ST6GALNAC3: variants seen among roughly 807,000 people sequenced by gnomAD.
ST6GALNAC3 encodes ST6 N-acetylgalactosaminide alpha-2,6-sialyltransferase 3.
A neutral mutation model predicts 32.7 loss-of-function variants in ST6GALNAC3; 25 were observed. The observed-to-expected ratio is 0.76, with a 90% CI of 0.56 to 1.07. The LOEUF is 1.07. Ranked by LOEUF, ST6GALNAC3 falls within the 50% of genes least tolerant of loss-of-function variation. The pLI, the probability that ST6GALNAC3 is intolerant of heterozygous loss-of-function variation, is 0.00. For synonymous variants in ST6GALNAC3, 129 were observed against 133.1 expected (o/e 0.97, Z 0.21); for missense variants, 355 against 382.4 (o/e 0.93, Z 0.60).
At chr1:76,329,128 C>G (rs773742348) in intron 2 of ST6GALNAC3, among the ~76,000 whole-genome samples, 8 of 152,158 alleles carry the variant, frequency 5.3e-5, no homozygotes, top group Non-Finnish European at 1.2e-4. Flanking sequence ...GTGCTTGTGT[C>G]AGAAATTTTT....
intron 3 of ST6GALNAC3, among the ~76,000 whole-genome samples, chr1:76,595,862 A>G (rs1647128445): frequency 6.6e-6 from 1 of 152,062 alleles, no homozygotes; most frequent in African/African-American, 2.4e-5. Flanking sequence ...CACTTGACTT[A>G]GGGCAATGGG....
chr1:76,453,110 G>C (rs1657526889), intron 3 of ST6GALNAC3, among the ~76,000 whole-genome samples: 1 of 152,006 alleles, frequency 6.6e-6, no homozygotes, highest in African/African-American at 2.4e-5. Flanking sequence ...ATATTTCTCT[G>C]TTGTCAGTTT....
chr1:76,593,865 A>G (rs574235850), intron 3 of ST6GALNAC3, among the ~76,000 whole-genome samples: 1 of 152,264 alleles, frequency 6.6e-6, no homozygotes, highest in Non-Finnish European at 1.5e-5. Context: ...TGATGTGGCG[A>G]TCATAGGAAC....
At chr1:76,454,487 A>G (rs1657630008) in intron 3 of ST6GALNAC3, among the ~76,000 whole-genome samples, 1 of 152,112 alleles carries the variant, frequency 6.6e-6, no homozygotes, top group African/African-American at 2.4e-5. Context: ...GGTAGTACAA[A>G]TTCTCTCAGC....
chr1:76,614,943 G>T (rs1161967289), intron 3 of ST6GALNAC3, among the ~76,000 whole-genome samples: 3 of 151,934 alleles, frequency 2.0e-5, no homozygotes, highest in Non-Finnish European at 4.4e-5. Context: ...GTCGTCTGGG[G>T]TATTGTGGCA....
intron 1 of ST6GALNAC3, among the ~76,000 whole-genome samples, chr1:76,308,996 CA>C (rs1646697553): frequency 6.6e-6 from 1 of 152,170 alleles, no homozygotes; most frequent in African/African-American, 2.4e-5. Flanking sequence ...AATGGCCTTT[CA>C]AACTGTTAAG....
chr1:76,213,641 A>C (rs182543337), intron 1 of ST6GALNAC3, among the ~76,000 whole-genome samples: 1 of 152,340 alleles, frequency 6.6e-6, no homozygotes, highest in Admixed American at 6.5e-5. Context: ...GTGCTAATTT[A>C]CAGGCCAGCA....
At chr1:76,367,211 T>G (rs557143767) in intron 2 of ST6GALNAC3, among the ~76,000 whole-genome samples, 1 of 152,330 alleles carries the variant, frequency 6.6e-6, no homozygotes, top group African/African-American at 2.4e-5. Context: ...TACCATAGTA[T>G]AAATTCAGTC....
chr1:76,391,438 T>A (rs1231946173), intron 2 of ST6GALNAC3, among the ~76,000 whole-genome samples: 1 of 152,090 alleles, frequency 6.6e-6, no homozygotes, highest in Non-Finnish European at 1.5e-5. Context: ...GCTGGAGAAG[T>A]CAGTGGAAGG....
chr1:76,149,194 C>A (rs1266506791), intron 1 of ST6GALNAC3, among the ~76,000 whole-genome samples: 2 of 152,094 alleles, frequency 1.3e-5, no homozygotes, highest in Non-Finnish European at 2.9e-5. Flanking sequence ...TCTTTTTGTG[C>A]CTGCTGCATA....
chr1:76,136,292 G>A (rs1193869573), intron 1 of ST6GALNAC3, among the ~76,000 whole-genome samples: 2 of 152,120 alleles, frequency 1.3e-5, no homozygotes, highest in Non-Finnish European at 2.9e-5. Flanking sequence ...CTACAAAATA[G>A]CTTTGTTGTC....
At chr1:76,244,625 C>T (rs1177992264) in intron 1 of ST6GALNAC3, among the ~76,000 whole-genome samples, 1 of 152,082 alleles carries the variant, frequency 6.6e-6, no homozygotes, top group Non-Finnish European at 1.5e-5. Context: ...CCGTCAATAC[C>T]TAGTTTATTG....
Position 76,463,108 on chromosome 1 carries a change from G to A in ST6GALNAC3, c.623+50691G>A, listed in dbSNP as rs1357878514. ...GTGCAATTATTTTAATGATGTTAAAGTATAAATGCTGCAGAGAATTTAATA... is the reference window on the plus strand; with the variant it reads ...GTGCAATTATTTTAATGATGTTAAAATATAAATGCTGCAGAGAATTTAATA... On this transcript the variant is annotated intron_variant, in intron 3 of 4. Transcript: ENST00000328299. Among the ~76,000 whole-genome samples the A allele has an allele frequency of 2.6e-5, 4 of 152,146 alleles. No homozygotes were observed. The East Asian group carries it at 5.8e-4, about 22-fold the overall frequency.
intron 2 of ST6GALNAC3, among the ~76,000 whole-genome samples, chr1:76,388,634 T>C (rs1652282386): frequency 6.6e-6 from 1 of 152,200 alleles, no homozygotes; most frequent in Admixed American, 6.5e-5. Context: ...CTGTCCTGCC[T>C]TTAGCCACCT....
At chr1:76,359,722 G>A (rs1649776998) in intron 2 of ST6GALNAC3, among the ~76,000 whole-genome samples, 1 of 152,166 alleles carries the variant, frequency 6.6e-6, no homozygotes, top group African/African-American at 2.4e-5. Flanking sequence ...TTTTGGAAGT[G>A]GGTAAAACTG....
chr1:76,185,778 C>T (rs920471404), intron 1 of ST6GALNAC3, among the ~76,000 whole-genome samples: 2 of 147,146 alleles, frequency 1.4e-5, no homozygotes, highest in East Asian at 1.9e-4. Context: ...ATGGGTTCTG[C>T]ATCCATGGAT....
At chr1:76,271,288 A>G (rs559427643) in intron 1 of ST6GALNAC3, among the ~76,000 whole-genome samples, 2 of 152,252 alleles carry the variant, frequency 1.3e-5, no homozygotes, top group African/African-American at 4.8e-5. Context: ...AACAGCTTCC[A>G]GAAGAGAATC....
chr1:76,138,983 A>G (rs1228336336), intron 1 of ST6GALNAC3, among the ~76,000 whole-genome samples: 1 of 152,194 alleles, frequency 6.6e-6, no homozygotes, highest in Non-Finnish European at 1.5e-5. Context: ...TTACGAGGTC[A>G]GGAGATCGAG....
intron 2 of ST6GALNAC3, among the ~76,000 whole-genome samples, chr1:76,377,249 A>C (rs1651310531): frequency 6.6e-6 from 1 of 152,216 alleles, no homozygotes; most frequent in South Asian, 2.1e-4. Flanking sequence ...AGGACATTAG[A>C]AGCCTGGAGC....
Sources: gnomAD v4.1 joint callset for allele counts (sites outside exome capture counted in the v4.1 genomes callset) on GRCh38, gnomAD v4.1.1 for gene constraint, MANE v1.5 for transcripts, NCBI Gene and HGNC (gene_info 2026-07-23, HGNC 2026-07-21) for gene names.